The following KIT variants were observed in gnomAD, a reference collection of about 807,000 sequenced individuals.
KIT encodes the protein mast/stem cell growth factor receptor Kit.
Under a neutral mutation model 105.7 loss-of-function variants are expected in KIT, and 16 were observed. That is an observed-to-expected ratio of 0.15 (90% CI 0.10 to 0.23). The LOEUF is 0.23. Ranked by LOEUF, KIT falls within the 10% of genes least tolerant of loss-of-function variation. The pLI is 1.00. For missense variants in KIT, 858 were observed against 1,213.8 expected (o/e 0.71, Z 4.36); for synonymous variants, 438 against 441.1 (o/e 0.99, Z 0.09).
intron 14 of KIT, 27 bp from the exon 15 acceptor site, chr4:54,731,301 A>C: frequency 6.6e-7 from 1 of 1,515,620 alleles, no homozygotes; most frequent in East Asian, 2.3e-5. Flanking sequence ...CACTTGATTC[A>C]GTCATGACTT....
intron 7 of KIT, among the ~76,000 whole-genome samples, chr4:54,717,380 G>C (rs1721576241): frequency 1.3e-5 from 2 of 152,156 alleles, no homozygotes; most frequent in Non-Finnish European, 2.9e-5. Flanking sequence ...TAGGGGCCTT[G>C]ATGTAAACAC....
Position 54,738,569 on chromosome 4 carries a change from G to A in KIT, c.*12G>A, listed in dbSNP as rs1320145447. The A allele has an allele frequency of 1.9e-6, 3 of 1,613,678 alleles. No homozygotes were observed. The highest frequency in any genetic ancestry group is 2.7e-5 in the African/African-American group (2 of 75,032). On this transcript the variant is annotated 3_prime_UTR_variant, in exon 21 of 21. Coordinates refer to ENST00000288135, the MANE Select transcript of KIT (RefSeq NM_000222.3). ...ACGACGATGTCTGAGCAGAATCAGT[G>A]TTTGGGTCACCCCTCCAGGAATGAT...
At chr4:54,714,483 T>C (rs1203876534) in intron 7 of KIT, among the ~76,000 whole-genome samples, 1 of 152,182 alleles carries the variant, frequency 6.6e-6, no homozygotes, top group East Asian at 1.9e-4. Context: ...TAACAAACTT[T>C]ATAGTGGACT....
At chr4:54,735,736 G>A (rs1243475438) in intron 17 of KIT, among the ~76,000 whole-genome samples, 1 of 152,158 alleles carries the variant, frequency 6.6e-6, no homozygotes, top group Non-Finnish European at 1.5e-5. Flanking sequence ...AAATATTTTA[G>A]TGACTTTCCC....
chr4:54,732,958 A>C, intron 16 of KIT, 112 bp from the exon 17 acceptor site: 3 of 886,596 alleles, frequency 3.4e-6, no homozygotes, highest in Non-Finnish European at 5.3e-6. Context: ...TTAAAACAAA[A>C]GTATTGGATT....
chr4:54,732,091 C>A (rs187793760), intron 16 of KIT, 93 bp downstream of exon 16: 1 of 1,345,062 alleles, frequency 7.4e-7, no homozygotes, highest in African/African-American at 1.6e-5. Context: ...CATTTTAGAG[C>A]CATAGTTAAA....
At chr4:54,678,049 C>G (rs1718609456) in intron 1 of KIT, among the ~76,000 whole-genome samples, 1 of 152,126 alleles carries the variant, frequency 6.6e-6, no homozygotes, top group Non-Finnish European at 1.5e-5. Context: ...AACATATTCT[C>G]TTATACCTAT....
chr4:54,663,600 A>G (rs1717464913), intron 1 of KIT, among the ~76,000 whole-genome samples: 1 of 151,608 alleles, frequency 6.6e-6, no homozygotes, highest in South Asian at 2.1e-4. Flanking sequence ...GTTTAGCCGT[A>G]TTCTTGGGTT....
chr4:54,660,525 C>A (rs1717178782), intron 1 of KIT, among the ~76,000 whole-genome samples: 1 of 152,090 alleles, frequency 6.6e-6, no homozygotes, highest in African/African-American at 2.4e-5. Flanking sequence ...CTCTGTAAAT[C>A]ATGTAATGCT....
At chr4:54,716,861 G>A (rs901056264) in intron 7 of KIT, among the ~76,000 whole-genome samples, 14 of 152,244 alleles carry the variant, frequency 9.2e-5, no homozygotes, top group Admixed American at 4.6e-4. Flanking sequence ...TTCAACATAC[G>A]ATATGGCAGA....
At chr4:54,721,860 A>G (rs554808198) in intron 7 of KIT, among the ~76,000 whole-genome samples, 1 of 152,350 alleles carries the variant, frequency 6.6e-6, no homozygotes, top group South Asian at 2.1e-4. Flanking sequence ...TTATCAGACT[A>G]TTCTAAAGAA....
At chr4:54,718,457 A>T (rs1395152541) in intron 7 of KIT, among the ~76,000 whole-genome samples, 1 of 152,202 alleles carries the variant, frequency 6.6e-6, no homozygotes, top group Non-Finnish European at 1.5e-5. Context: ...AAATCAGGAG[A>T]TTTCATGAGA....
intron 1 of KIT, among the ~76,000 whole-genome samples, chr4:54,690,454 T>A (rs1162896335): frequency 6.6e-6 from 1 of 152,208 alleles, no homozygotes; most frequent in Non-Finnish European, 1.5e-5. Context: ...GATAAGTATT[T>A]ACTGAATAAA....
rs1578001412 is a variant in KIT, at chr4:54,731,949, G to C, written c.2312G>C (p.Ser771Thr). Reference protein sequence around the residue: ...ELALDLEDLLSFSYQVAKGMA... With the variant: ...ELALDLEDLLTFSYQVAKGMA... ...GCCCTAGACTTAGAAGACTTGCTGA[G>C]CTTTTCTTACCAGGTGGCAAAGGGC... The change falls in exon 16 of 21, where the codon AGC (serine) becomes ACC (threonine). Residue 771 changes from serine (S) to threonine (T), a missense_variant. Ser to Thr is a moderately conservative substitution (Grantham distance 58, BLOSUM62 1). Coordinates refer to ENST00000288135, the MANE Select transcript of KIT (RefSeq NM_000222.3). The C allele has an allele frequency of 6.2e-7, 1 of 1,613,624 alleles. No individual in the cohort carries two copies. Among genetic ancestry groups the C allele is most frequent in the Non-Finnish European group, 8.5e-7 (1 of 1,179,748 alleles).
chr4:54,662,859 C>CA (rs1215688565), intron 1 of KIT, among the ~76,000 whole-genome samples: 2 of 152,160 alleles, frequency 1.3e-5, no homozygotes, highest in African/African-American at 4.8e-5. Flanking sequence ...AGGCATGAGC[C>CA]ACCATGCCTG....
Position 54,669,210 on chromosome 4 carries a change from G to A in KIT, c.67+11129G>A, listed in dbSNP as rs183201592. Among the ~76,000 whole-genome samples the A allele has an allele frequency of 4.8e-3, 549 of 115,320 alleles. 4 individuals are homozygous for A. The highest frequency in any genetic ancestry group is 8.0e-3 in the Non-Finnish European group (408 of 50,684). The allele number at this position is 115,320 out of a possible 152,430, so 75.7% of individuals were successfully genotyped here. A position where few individuals can be genotyped will look rare whatever the true frequency, so the allele number is the denominator to read the frequency against. On this transcript the variant is annotated intron_variant, in intron 1 of 20. Transcript: ENST00000288135. ...AAAAAGCATCACTTTGATAAAAGAG[G>A]ACCCCCCCCCCTTGCTTTTTTAAAA...
chr4:54,727,741 T>C (rs1722330861), intron 11 of KIT, 82 bp from the exon 12 acceptor site: 1 of 1,331,518 alleles, frequency 7.5e-7, no homozygotes, highest in African/African-American at 1.4e-5. Flanking sequence ...AATTCCTTTA[T>C]TGATTTTGAA....
In KIT at chr4:54,698,516, G is replaced by A. The variant is rs1437734029; in HGVS notation, c.570G>A (p.Gln190=). The A allele has an allele frequency of 9.3e-6, 15 of 1,614,072 alleles. No homozygotes were observed. Among genetic ancestry groups the A allele is most frequent in the Non-Finnish European group, 1.3e-5 (15 of 1,180,048 alleles). ...HRLCLHCSVD[Q]EGKSVLSEKF... ...TCTGTCTGCATTGTTCTGTGGACCA[G>A]GAGGGCAAGTCAGTGCTGTCGGAAA... Residue 190 remains glutamine, a synonymous_variant, in exon 3 of 21, where the codon CAG becomes CAA. Transcript: ENST00000288135.
intron 17 of KIT, 135 bp downstream of exon 17, chr4:54,733,327 A>G (rs1377690966): frequency 1.1e-6 from 1 of 927,874 alleles, no homozygotes; most frequent in Non-Finnish European, 1.7e-6. Context: ...CAAATTAAGT[A>G]TACTTCAGCA....
Sources: gnomAD v4.1 joint callset for allele counts (sites outside exome capture counted in the v4.1 genomes callset) on GRCh38, gnomAD v4.1.1 for gene constraint, MANE v1.5 for transcripts, NCBI Gene and HGNC (gene_info 2026-07-23, HGNC 2026-07-21) for gene names.